OFD1: variants seen among roughly 807,000 people sequenced by gnomAD.
OFD1 encodes the protein centriole and centriolar satellite protein OFD1.
Under a neutral mutation model 81.4 loss-of-function variants are expected in OFD1, and 12 were observed. The ratio of observed to expected loss-of-function variants is 0.15; its 90% CI spans 0.09 to 0.24. The LOEUF (loss-of-function observed/expected upper bound fraction) is 0.24, where lower values mean the gene tolerates loss of function less well. Ranked by LOEUF, OFD1 falls within the 10% of genes least tolerant of loss-of-function variation. The probability of loss-of-function intolerance (pLI) is 1.00; values close to 1 mark genes in which losing one functional copy is unlikely to be tolerated. For missense variants in OFD1, 685 were observed against 733.9 expected, an observed-to-expected ratio of 0.93 and a Z score of 0.77; for synonymous variants, 256 against 263.7, an observed-to-expected ratio of 0.97 and a Z score of 0.28.
At chrX:13,749,328 C>A in intron 8 of OFD1, 99 bp from the exon 9 acceptor site, 1 of 528,919 alleles carries the variant, frequency 1.9e-6, no homozygotes. Context: ...TCCTAAATGT[C>A]TGTACTTTGC....
chrX:13,716,476 C>T, the OFD1 span: 1 of 1,179,576 alleles, frequency 8.5e-7, no homozygotes, highest in Non-Finnish European at 1.2e-6. Context: ...GTTCCATGTT[C>T]TTCTGGTTTG....
intron 20 of OFD1, among the ~76,000 whole-genome samples, chrX:13,767,582 T>G (rs961712921): frequency 8.9e-6 from 1 of 112,346 alleles, no homozygotes; most frequent in Non-Finnish European, 1.9e-5. Flanking sequence ...GAACTTTGCT[T>G]TGAAAACAGG....
chrX:13,725,196 A>T, the OFD1 span, among the ~76,000 whole-genome samples: 1 of 113,125 alleles, frequency 8.8e-6, no homozygotes, highest in African/African-American at 3.2e-5. Context: ...GGCAGCAGAC[A>T]ACTTCTGCAG....
chrX:13,740,317 C>T lies in OFD1; in HGVS notation c.412+1285C>T, dbSNP rs1378241976. ...TGTTTAATGTGGTAGCTGCTATCCT[C>T]ATGTGGCTTTTGAGCCTTGAAATGT... On this transcript the variant is annotated intron_variant, in intron 5 of 22. Coordinates refer to ENST00000340096, the MANE Select transcript of OFD1 (RefSeq NM_003611.3). The T allele has an allele frequency of 6.9e-6, 3 of 433,373 alleles. No homozygotes were observed. In the Admixed American group the frequency reaches 9.7e-5, roughly 14 times the overall value. The allele number at this position is 433,373 out of a possible 1,213,427, so 35.7% of individuals were successfully genotyped here.
At chrX:13,741,281 A>G (rs1234967478) in intron 5 of OFD1, among the ~76,000 whole-genome samples, 1 of 112,621 alleles carries the variant, frequency 8.9e-6, no homozygotes, top group African/African-American at 3.2e-5. Context: ...CAGATAGGTC[A>G]GGCATCCTAG....
At chrX:13,734,546 G>A, upstream of OFD1, 1 of 378,191 alleles carries the variant, frequency 2.6e-6, no homozygotes, top group Admixed American at 6.6e-5. Context: ...GGCCGACAAC[G>A]GAAACGCAAT....
the OFD1 span, among the ~76,000 whole-genome samples, chrX:13,727,320 A>C: frequency 8.9e-6 from 1 of 112,371 alleles, no homozygotes; most frequent in Non-Finnish European, 1.9e-5. Context: ...ACCACATTGC[A>C]CTTATTCTAA....
intron 9 of OFD1, among the ~76,000 whole-genome samples, chrX:13,749,987 T>C (rs2047442315): frequency 8.9e-6 from 1 of 112,561 alleles, no homozygotes; most frequent in Non-Finnish European, 1.9e-5. Flanking sequence ...TCACTGTTTC[T>C]AAGTGCTCAC....
chrX:13,761,307 TA>T, intron 17 of OFD1, 96 bp downstream of exon 17: 3 of 899,181 alleles, frequency 3.3e-6, no homozygotes, highest in Non-Finnish European at 4.8e-6. Flanking sequence ...TTTTTTGAGA[TA>T]ATTATTATAG....
Position 13,769,167 on chromosome X carries a change from C to T in OFD1, c.*59C>T. 1 of 903,358 alleles carries T rather than the reference C, an allele frequency of 1.1e-6. No homozygotes were observed. The highest frequency in any genetic ancestry group is 1.6e-6 in the Non-Finnish European group (1 of 616,821). 74.4% of individuals were successfully genotyped at this position (903,358 alleles called of 1,213,427 possible). A position where few individuals can be genotyped will look rare whatever the true frequency, so the allele number is the denominator to read the frequency against. ...CGTGAGAAGTTACGTAACATTTACT[C>T]CTTTGTAAATGTTTCCCTATCATCA... On this transcript the variant is annotated 3_prime_UTR_variant, in exon 23 of 23. Coordinates refer to ENST00000340096, the MANE Select transcript of OFD1 (RefSeq NM_003611.3).
At chrX:13,751,582 C>T (rs151120669) in intron 10 of OFD1, among the ~76,000 whole-genome samples, 1 of 111,245 alleles carries the variant, frequency 9.0e-6, no homozygotes, top group African/African-American at 3.3e-5. Context: ...GCCTATAATC[C>T]CAGCACTCTG....
At chrX:13,723,737 T>C in the OFD1 span, among the ~76,000 whole-genome samples, 1 of 110,023 alleles carries the variant, frequency 9.1e-6, no homozygotes, top group Admixed American at 9.8e-5. Flanking sequence ...AACTGGGAAA[T>C]TGAGGACAAG....
At chrX:13,747,535 C>G (rs752900424) in intron 8 of OFD1, among the ~76,000 whole-genome samples, 2 of 111,770 alleles carry the variant, frequency 1.8e-5, no homozygotes, top group Admixed American at 9.5e-5. Flanking sequence ...CCTACTTAAT[C>G]GAAGATTCTG....
At chrX:13,739,565 G>A (rs896979259) in intron 5 of OFD1, among the ~76,000 whole-genome samples, 2 of 111,297 alleles carry the variant, frequency 1.8e-5, no homozygotes, top group Non-Finnish European at 3.8e-5. Context: ...GACCAACCTG[G>A]AGAAACCCCG....
At chrX:13,752,978 G>T in intron 10 of OFD1, 1 of 899,247 alleles carries the variant, frequency 1.1e-6, no homozygotes, top group Non-Finnish European at 1.4e-6. Context: ...TGGGCAGATG[G>T]TACAGGTGGA....
At chrX:13,764,986 C>G (rs2048072924) in intron 19 of OFD1, among the ~76,000 whole-genome samples, 1 of 111,735 alleles carries the variant, frequency 8.9e-6, no homozygotes, top group South Asian at 3.8e-4. Flanking sequence ...TCTACAGGCA[C>G]TCATTTGGCA....
At chrX:13,765,619 A>G (rs1418094905) in intron 19 of OFD1, among the ~76,000 whole-genome samples, 3 of 111,392 alleles carry the variant, frequency 2.7e-5, no homozygotes, top group East Asian at 5.6e-4. Context: ...AAAAGGTTCA[A>G]AGTCCTCTGC....
At chrX:13,716,402 C>A in the OFD1 span, 1 of 826,613 alleles carries the variant, frequency 1.2e-6, no homozygotes, top group Non-Finnish European at 1.7e-6. Context: ...AAAGTAGCCC[C>A]ATAAATGGAA....
chrX:13,722,728 C>T, the OFD1 span, among the ~76,000 whole-genome samples: 1 of 112,090 alleles, frequency 8.9e-6, no homozygotes, highest in Non-Finnish European at 1.9e-5. Flanking sequence ...AAATGTTCTA[C>T]ACCTGTGCTG....
Sources: gnomAD v4.1 joint callset for allele counts (sites outside exome capture counted in the v4.1 genomes callset) on GRCh38, gnomAD v4.1.1 for gene constraint, MANE v1.5 for transcripts, NCBI Gene and HGNC (gene_info 2026-07-23, HGNC 2026-07-21) for gene names.